The following CNTNAP2 variants were observed in gnomAD, a reference collection of about 807,000 sequenced individuals.
The protein encoded by CNTNAP2 is contactin associated protein 2.
In CNTNAP2, 98 loss-of-function variants were observed where a neutral mutation model predicts 155.2. That is an observed-to-expected ratio of 0.63 (90% CI 0.54 to 0.75). The LOEUF (loss-of-function observed/expected upper bound fraction) is 0.75. Ranked by LOEUF, CNTNAP2 falls within the 30% of genes least tolerant of loss-of-function variation. The pLI is 0.00. For synonymous variants in CNTNAP2, 651 were observed against 631.2 expected, an observed-to-expected ratio of 1.03 and a Z score of -0.47; for missense variants, 1,727 against 1,688.1, an observed-to-expected ratio of 1.02 and a Z score of -0.40.
intron 13 of CNTNAP2, among the ~76,000 whole-genome samples, chr7:147,801,055 G>A (rs552202234): frequency 1.3e-5 from 2 of 152,284 alleles, no homozygotes; most frequent in South Asian, 4.1e-4. Context: ...TCCCCATTGG[G>A]AAGTGACAAA....
chr7:147,368,005 TCTCTCTCTC>T (rs1796266445), intron 9 of CNTNAP2, among the ~76,000 whole-genome samples: 1 of 112,888 alleles, frequency 8.9e-6, no homozygotes, highest in Admixed American at 9.9e-5. Context: ...TCTCTCTGTC[TCTCTCTCTC>T]CCCCCCCTCC....
chr7:146,601,788 A>G (rs961886308), intron 1 of CNTNAP2, among the ~76,000 whole-genome samples: 2 of 152,114 alleles, frequency 1.3e-5, no homozygotes, highest in African/African-American at 2.4e-5. Flanking sequence ...TACATAGGAA[A>G]AATTATTATA....
intron 14 of CNTNAP2, among the ~76,000 whole-genome samples, chr7:147,947,454 CAAAAAAAAAA>C (rs10708483): frequency 5.0e-5 from 4 of 80,276 alleles, no homozygotes; most frequent in East Asian, 3.8e-4. Context: ...CCTGTCTCTA[CAAAAAAAAAA>C]AAAAAAAAAA....
rs1450815274 is a variant in CNTNAP2, at chr7:148,137,717, GAAGGAAGGAAGGAAGGAA to G, written c.2555-9773_2555-9756del. 1.7e-3 allele frequency among the ~76,000 whole-genome samples: 250 copies of G among 147,666 alleles called. 2 individuals carry two copies. Among genetic ancestry groups the G allele is most frequent in the African/African-American group, 6.0e-3 (236 of 39,220 alleles). ...GGAAGGAAGGAAGGAAGGAAGGAAG[GAAGGAAGGAAGGAAGGAA>G]GGTTCTCCTTTCCTCTCTAATGTCT... On this transcript the variant is annotated intron_variant, in intron 16 of 23. Transcript: ENST00000361727.
intron 3 of CNTNAP2, among the ~76,000 whole-genome samples, chr7:147,012,967 T>C (rs1325279926): frequency 1.3e-5 from 2 of 152,108 alleles, no homozygotes; most frequent in Non-Finnish European, 2.9e-5. Flanking sequence ...ACAACTCTTA[T>C]AGATGATAAA....
At chr7:146,468,740 A>AT (rs1476113741) in intron 1 of CNTNAP2, among the ~76,000 whole-genome samples, 2 of 152,168 alleles carry the variant, frequency 1.3e-5, no homozygotes, top group African/African-American at 4.8e-5. Flanking sequence ...GGCAAAGCTG[A>AT]TTCACCTGTT....
intron 1 of CNTNAP2, among the ~76,000 whole-genome samples, chr7:146,483,324 TA>T (rs1797005077): frequency 1.2e-5 from 1 of 83,814 alleles, no homozygotes; most frequent in African/African-American, 6.8e-5. Context: ...TATATATATA[TA>T]TATACATATA....
intron 1 of CNTNAP2, among the ~76,000 whole-genome samples, chr7:146,664,568 T>C (rs1800154760): frequency 6.6e-6 from 1 of 152,174 alleles, no homozygotes; most frequent in South Asian, 2.1e-4. Flanking sequence ...TATGTAAGGA[T>C]TTTTGTATTC....
At chr7:146,459,313 G>A (rs904799756) in intron 1 of CNTNAP2, among the ~76,000 whole-genome samples, 7 of 151,840 alleles carry the variant, frequency 4.6e-5, no homozygotes, top group East Asian at 1.9e-4. Flanking sequence ...TTAAGAATAC[G>A]AATTTCCACA....
rs563586572 is a variant in CNTNAP2, at chr7:146,338,886, T to TA, written c.97+221913_97+221914insA. Among the ~76,000 whole-genome samples the TA allele has an allele frequency of 1.5e-3, 220 of 144,656 alleles. 1 individual carries two copies. Among genetic ancestry groups the TA allele is most frequent in the African/African-American group, 6.0e-3 (213 of 35,658 alleles). 94.9% of individuals were successfully genotyped at this position (144,656 alleles called of 152,430 possible). A position where few individuals can be genotyped will look rare whatever the true frequency, so the allele number is the denominator to read the frequency against. ...ATTAGATACAGAAAAGATTTTTTTT[T>TA]TAAAAAAGGTTTCAGGCCAGGCACT... On this transcript the variant is annotated intron_variant, in intron 1 of 23. Transcript: ENST00000361727.
intron 14 of CNTNAP2, among the ~76,000 whole-genome samples, chr7:147,947,283 A>C (rs1228369702): frequency 6.6e-6 from 1 of 151,942 alleles, no homozygotes; most frequent in Non-Finnish European, 1.5e-5. Flanking sequence ...GGAGGTCTTA[A>C]GACAATTGCA....
chr7:148,098,053 A>G (rs13246816), intron 15 of CNTNAP2, among the ~76,000 whole-genome samples: 32,424 of 152,118 alleles, frequency 0.21, 3,895 homozygotes, highest in East Asian at 0.47. Flanking sequence ...CAAGTTGGTG[A>G]CTGAGTTCTA....
chr7:147,924,484 A>G (rs974831599), intron 14 of CNTNAP2, among the ~76,000 whole-genome samples: 1 of 151,982 alleles, frequency 6.6e-6, no homozygotes, highest in African/African-American at 2.4e-5. Context: ...CTTCACAAAA[A>G]CCTATAAAAT....
At chr7:146,758,931 T>C (rs145779176) in intron 1 of CNTNAP2, among the ~76,000 whole-genome samples, 90 of 152,282 alleles carry the variant, frequency 5.9e-4, no homozygotes, top group African/African-American at 1.9e-3. Flanking sequence ...AAAAACCTCC[T>C]ACTGAGAAGC....
At chr7:147,887,858 C>T (rs1315235821) in intron 13 of CNTNAP2, among the ~76,000 whole-genome samples, 3 of 151,988 alleles carry the variant, frequency 2.0e-5, no homozygotes, top group Non-Finnish European at 4.4e-5. Flanking sequence ...AGAAATTATC[C>T]CTTGAAGCTA....
chr7:146,668,156 A>G (rs1328305227), intron 1 of CNTNAP2, among the ~76,000 whole-genome samples: 1 of 148,158 alleles, frequency 6.7e-6, no homozygotes, highest in Non-Finnish European at 1.5e-5. Context: ...TTCTACACCT[A>G]TTTTATTGAG....
At chr7:147,202,693 A>G (rs1802946358) in intron 8 of CNTNAP2, among the ~76,000 whole-genome samples, 1 of 152,118 alleles carries the variant, frequency 6.6e-6, no homozygotes, top group Non-Finnish European at 1.5e-5. Flanking sequence ...AAACTGTCCC[A>G]AGGACAGAAA....
At chr7:146,809,949 C>G (rs571871482) in intron 2 of CNTNAP2, among the ~76,000 whole-genome samples, 2 of 152,140 alleles carry the variant, frequency 1.3e-5, no homozygotes, top group African/African-American at 2.4e-5. Flanking sequence ...AGCTTTTCCC[C>G]TAAGTTGTTT....
At position 147,167,320 on chromosome 7, in the gene CNTNAP2, G is replaced by T. The variant is rs547246606; in HGVS notation, c.1348+34811G>T. The T allele has an allele frequency of 1.3e-3, 652 of 484,522 alleles. 4 individuals are homozygous for T. The Middle Eastern group carries it at 0.016, about 12-fold the overall frequency. The allele number at this position is 484,522 out of a possible 1,614,324, so 30.0% of individuals were successfully genotyped here. A position where few individuals can be genotyped will look rare whatever the true frequency, so the allele number is the denominator to read the frequency against. On this transcript the variant is annotated intron_variant, in intron 8 of 23. Coordinates refer to ENST00000361727, the MANE Select transcript of CNTNAP2 (RefSeq NM_014141.6). The stretch of plus-strand genomic sequence containing the variant: ...ACTGTAAACTTCTTGACAAGATGGT[G>T]CTATTATAACACTGACTGTTTCTGC...
Sources: allele counts gnomAD v4.1 joint callset (sites outside exome capture counted in the v4.1 genomes callset), GRCh38; gene constraint gnomAD v4.1.1; transcripts MANE v1.5; gene names NCBI Gene and HGNC (gene_info 2026-07-23, HGNC 2026-07-21).